NCK1: variants seen among roughly 807,000 people sequenced by gnomAD.
NCK1 encodes the protein NCK adaptor protein 1.
A neutral mutation model predicts 36.6 loss-of-function variants in NCK1; 19 were observed. That is an observed-to-expected ratio of 0.52 (90% CI 0.36 to 0.76). The LOEUF is 0.76. Ranked by LOEUF, NCK1 falls within the 30% of genes least tolerant of loss-of-function variation. The pLI is 0.00. For missense variants in NCK1, 358 were observed against 445.6 expected (o/e 0.80, Z 1.77); for synonymous variants, 165 against 156.0 (o/e 1.06, Z -0.43).
rs1166754088 is a variant in NCK1, at chr3:136,864,079, C to T, written c.-19+1726C>T. 2.7e-5 allele frequency among the ~76,000 whole-genome samples: 4 copies of T among 150,884 alleles called. No homozygotes were observed. In the South Asian group the frequency reaches 6.3e-4, roughly 24 times the overall value. ...TCGCGCCACTGCACTCCAGCCTGGGCGACAGAGCGAGACTCCGTCTCAAAA... is the reference window on the plus strand; with the variant it reads ...TCGCGCCACTGCACTCCAGCCTGGGTGACAGAGCGAGACTCCGTCTCAAAA... On this transcript the variant is annotated intron_variant, in intron 1 of 3. Transcript: ENST00000481752.
intron 2 of NCK1, among the ~76,000 whole-genome samples, chr3:136,938,000 CTT>C (rs1468903534): frequency 6.6e-6 from 1 of 152,086 alleles, no homozygotes; most frequent in African/African-American, 2.4e-5. Flanking sequence ...CGGTGGAAAA[CTT>C]TGTCTTTCAC....
intron 2 of NCK1, among the ~76,000 whole-genome samples, chr3:136,938,582 A>G (rs1182298840): frequency 2.0e-5 from 3 of 152,196 alleles, no homozygotes; most frequent in Non-Finnish European, 4.4e-5. Flanking sequence ...GCCCCCAAGC[A>G]TAGTGATGAA....
intron 3 of NCK1, among the ~76,000 whole-genome samples, chr3:136,947,532 T>C (rs1227757112): frequency 6.6e-6 from 1 of 152,176 alleles, no homozygotes; most frequent in Non-Finnish European, 1.5e-5. Context: ...TCATTGCCGA[T>C]ATTTAAATAT....
rs1231544507 is a variant in NCK1, at chr3:136,867,730, G to A, written c.-19+5377G>A. Among the ~76,000 whole-genome samples the A allele has an allele frequency of 2.0e-5, 3 of 152,074 alleles. No homozygotes were observed. The East Asian group carries it at 5.8e-4, about 29-fold the overall frequency. On this transcript the variant is annotated intron_variant, in intron 1 of 3. Transcript: ENST00000481752. ...AGATGCACCAAAATTCAAACATTTA[G>A]TGATGGGGGCAGAACAAAGACTCAA...
At chr3:136,919,776 T>C (rs1042791472) in intron 1 of NCK1, among the ~76,000 whole-genome samples, 5 of 152,122 alleles carry the variant, frequency 3.3e-5, no homozygotes, top group Admixed American at 3.3e-4. Flanking sequence ...TCATGATAAA[T>C]ATGACCTTTT....
At position 136,945,864 on chromosome 3, in the gene NCK1, G is replaced by T; in HGVS notation, c.508G>T (p.Asp170Tyr). The T allele has an allele frequency of 6.2e-7, 1 of 1,614,138 alleles. No homozygotes were observed. The highest frequency in any genetic ancestry group is 1.1e-5 in the South Asian group (1 of 91,068). Residue 170 changes from aspartate to tyrosine, a missense_variant, in exon 3 of 4, where the codon GAC (aspartate) becomes TAC (tyrosine). This residue lies in a region of NCK1 where 207 missense variants were observed against 253.4 expected (regional missense o/e 0.82). Transcript: ENST00000481752. The stretch of plus-strand genomic sequence containing the variant: ...TGAAGAAGGTGACAGTCCTTTGGGT[G>T]ACCATGTGGGTTCTCTGTCAGAGAA... ...VTEEGDSPLG[D>Y]HVGSLSEKLA...
intron 2 of NCK1, among the ~76,000 whole-genome samples, chr3:136,934,571 C>T (rs1241436586): frequency 6.6e-6 from 1 of 152,202 alleles, no homozygotes; most frequent in Non-Finnish European, 1.5e-5. Context: ...CAGGTGTGCA[C>T]CACCGCGCCT....
At chr3:136,927,945 C>G in intron 1 of NCK1, 39 bp from the exon 2 acceptor site, 1 of 1,404,420 alleles carries the variant, frequency 7.1e-7, no homozygotes, top group South Asian at 1.2e-5. Context: ...ACTAATACTA[C>G]CTCAACCTTA....
chr3:136,917,746 C>T (rs906571473), intron 1 of NCK1, among the ~76,000 whole-genome samples: 2 of 152,216 alleles, frequency 1.3e-5, no homozygotes, highest in Non-Finnish European at 2.9e-5. Context: ...TTTCCCACAG[C>T]ACTTACGAGT....
chr3:136,947,933 A>G (rs1011024836), intron 3 of NCK1, among the ~76,000 whole-genome samples: 5 of 152,210 alleles, frequency 3.3e-5, no homozygotes, highest in African/African-American at 1.2e-4. Context: ...TGTTCTTCAA[A>G]TATTTAACTA....
intron 1 of NCK1, among the ~76,000 whole-genome samples, chr3:136,891,215 A>T (rs972096057): frequency 6.6e-6 from 1 of 152,078 alleles, no homozygotes; most frequent in Admixed American, 6.6e-5. Flanking sequence ...CTCATTTGCA[A>T]CCTCCGCCTC....
intron 1 of NCK1, among the ~76,000 whole-genome samples, chr3:136,867,248 C>T (rs943072634): frequency 1.6e-5 from 1 of 60,922 alleles, no homozygotes; most frequent in East Asian, 1.2e-3. Flanking sequence ...TCTGTCCGTC[C>T]GTCTGTCTCT....
In NCK1 at chr3:136,914,851, G is replaced by A. The variant is rs558734820; in HGVS notation, c.-18-13133G>A. 4.0e-4 allele frequency among the ~76,000 whole-genome samples: 61 copies of A among 152,236 alleles called. 1 individual carries two copies. The South Asian group carries it at 0.013, about 32-fold the overall frequency. ...TGGGAGGTGTTTGGGTCGTGGGAGT[G>A]GATCCCTCATAATATATTACTGCCA... On this transcript the variant is annotated intron_variant, in intron 1 of 3. Coordinates refer to ENST00000481752, the MANE Select transcript of NCK1 (RefSeq NM_001291999.2).
chr3:136,862,701 T>G (rs1049199132), intron 1 of NCK1, among the ~76,000 whole-genome samples: 1 of 152,182 alleles, frequency 6.6e-6, no homozygotes, highest in Non-Finnish European at 1.5e-5. Flanking sequence ...TTGTCTGTTT[T>G]CTCATGAAAA....
chr3:136,865,734 A>AG (rs1440815967), intron 1 of NCK1, among the ~76,000 whole-genome samples: 1 of 152,250 alleles, frequency 6.6e-6, no homozygotes, highest in Non-Finnish European at 1.5e-5. Context: ...CTGTGATGTT[A>AG]GGAAGACAAC....
At chr3:136,942,028 C>T (rs1014094755) in intron 2 of NCK1, among the ~76,000 whole-genome samples, 7 of 152,074 alleles carry the variant, frequency 4.6e-5, no homozygotes, top group Admixed American at 6.6e-5. Context: ...TTAGTAGAGA[C>T]GGGGTTTCAC....
intron 1 of NCK1, among the ~76,000 whole-genome samples, chr3:136,920,556 A>G (rs149748350): frequency 1.5e-4 from 23 of 152,276 alleles, no homozygotes; most frequent in Non-Finnish European, 3.4e-4. Context: ...TATATAAGAC[A>G]TTACTGTCTA....
intron 1 of NCK1, among the ~76,000 whole-genome samples, chr3:136,926,497 G>A (rs943532814): frequency 6.6e-5 from 10 of 151,864 alleles, no homozygotes; most frequent in African/African-American, 2.4e-4. Context: ...GGATGGTCTC[G>A]ATCTCCTGAA....
At chr3:136,877,474 T>C (rs756336227) in intron 1 of NCK1, among the ~76,000 whole-genome samples, 1 of 152,164 alleles carries the variant, frequency 6.6e-6, no homozygotes, top group Non-Finnish European at 1.5e-5. Context: ...TATAGAGCCA[T>C]GCTTAGAGGA....
Sources: allele counts gnomAD v4.1 joint callset (sites outside exome capture counted in the v4.1 genomes callset), GRCh38; gene constraint gnomAD v4.1.1; regional missense constraint gnomAD v4.1.1; transcripts MANE v1.5; gene names NCBI Gene and HGNC (gene_info 2026-07-23, HGNC 2026-07-21).